Variants in DNAH12 observed in about 807,000 individuals in gnomAD.
DNAH12 encodes dynein axonemal heavy chain 12, also known as axonemal beta dynein heavy chain 12.
In DNAH12, 285 loss-of-function variants were observed where a neutral mutation model predicts 371.5. The ratio of observed to expected loss-of-function variants is 0.77; its 90% confidence interval spans 0.70 to 0.85. The LOEUF (loss-of-function observed/expected upper bound fraction) is 0.85, where lower values mean the gene tolerates loss of function less well. DNAH12 is among the 40% of genes least tolerant of loss of function. The pLI, the probability that DNAH12 is intolerant of heterozygous loss-of-function variation, is 0.00. For missense variants in DNAH12, 3,611 were observed against 3,689.4 expected, an observed-to-expected ratio of 0.98 and a Z score of 0.55; for synonymous variants, 1,200 against 1,213.0, an observed-to-expected ratio of 0.99 and a Z score of 0.22.
intron 3 of DNAH12, 81 bp downstream of exon 3, chr3:57,523,717 AAAAAC>A: frequency 7.6e-7 from 1 of 1,319,286 alleles, no homozygotes; most frequent in Non-Finnish European, 1.0e-6. Context: ...TATTCCTTTT[AAAAAC>A]ATCAGTTATA....
chr3:57,429,346 G>C (rs534878517), intron 33 of DNAH12, among the ~76,000 whole-genome samples: 23 of 151,902 alleles, frequency 1.5e-4, no homozygotes, highest in Non-Finnish European at 3.1e-4. Flanking sequence ...CTGGCTAATT[G>C]TGTATTTTTA....
intron 47 of DNAH12, among the ~76,000 whole-genome samples, 179 bp from the exon 48 acceptor site, chr3:57,385,608 A>G (rs2063484723): frequency 6.6e-6 from 1 of 152,260 alleles, no homozygotes; most frequent in East Asian, 1.9e-4. Flanking sequence ...AGGGCCAAGC[A>G]CGGTGGCTCA....
chr3:57,361,450 A>ATATATATATC (rs2062932005), intron 58 of DNAH12, among the ~76,000 whole-genome samples: 2 of 141,002 alleles, frequency 1.4e-5, no homozygotes, highest in South Asian at 4.3e-4. Flanking sequence ...CACACTATAT[A>ATATATATATC]TATATATATA....
rs892557210 is a variant in DNAH12, at chr3:57,295,517, A to C, written c.11692+8T>G. The C allele has an allele frequency of 2.0e-5, 31 of 1,545,562 alleles. No individual in the cohort carries two copies. The African/African-American group carries it at 3.7e-4, about 18-fold the overall frequency. On this transcript the variant is annotated splice_region_variant and intron_variant, in intron 73 of 73. Coordinates refer to ENST00000495027, the MANE Select transcript of DNAH12 (RefSeq NM_001366028.2). ...ACTTCAAATAAATTTTGTTGAGAGA[A>C]TATTTACTTGGTTTTATCCATATGA...
chr3:57,428,811 A>C lies in DNAH12; in HGVS notation c.5075T>G (p.Val1692Gly). 6.5e-7 allele frequency: 1 copy of C among 1,529,894 alleles called. No individual in the cohort carries two copies. 94.8% of individuals were successfully genotyped at this position (1,529,894 alleles called of 1,614,324 possible). A position where few individuals can be genotyped will look rare whatever the true frequency, so the allele number is the denominator to read the frequency against. The change falls in exon 34 of 74, where the codon GTA becomes GGA. Residue 1692 changes from valine to glycine, a missense_variant. Around this residue, in one of 3 missense-constraint regions of DNAH12, gnomAD observed 2,266 missense variants for 2,236.9 expected, o/e 1.01. Coordinates refer to ENST00000495027, the MANE Select transcript of DNAH12 (RefSeq NM_001366028.2). ...CAAATAAATCATACCACAACGACTT[A>C]CAGTGGCAGGCTAGAGAAAAAAGGC... ...MDLSQASPAT[V>G]SRCGMIYLEP... is the part of the protein sequence containing the mutation.
chr3:57,534,609 A>G (rs1368918923), intron 2 of DNAH12, among the ~76,000 whole-genome samples: 2 of 146,098 alleles, frequency 1.4e-5, no homozygotes. Flanking sequence ...CCCAGGTTCC[A>G]GTGATTCTCC....
At chr3:57,324,874 G>C (rs563119127) in intron 62 of DNAH12, among the ~76,000 whole-genome samples, 4 of 152,312 alleles carry the variant, frequency 2.6e-5, no homozygotes, top group African/African-American at 9.6e-5. Context: ...ACCCAATACT[G>C]CGCTTTTCCG....
At chr3:57,315,244 T>G (rs1410554618) in intron 65 of DNAH12, among the ~76,000 whole-genome samples, 1 of 152,002 alleles carries the variant, frequency 6.6e-6, no homozygotes, top group Non-Finnish European at 1.5e-5. Flanking sequence ...GCATGTATTT[T>G]AATTTAGAAT....
chr3:57,547,712 G>C (rs1046765143), upstream of DNAH12, among the ~76,000 whole-genome samples: 3 of 152,076 alleles, frequency 2.0e-5, no homozygotes, highest in African/African-American at 7.2e-5. Flanking sequence ...AACTCTGAAA[G>C]AAAATAATAA....
rs1195313083 is a variant in DNAH12 at position 57,421,675 on chromosome 3, A to G, written c.5405T>C (p.Ile1802Thr). ...GCCATCTGTATCACAACTTCCTCCA[A>G]TCGACCAAATCAAAGAGAATATAAA... ...ACFIFSLIWS[I>T]GGSCDTDGRR... Residue 1802 changes from isoleucine to threonine, a missense_variant, in exon 36 of 74, where the codon ATT becomes ACT. This residue lies in a region of DNAH12 where 2,266 missense variants were observed against 2,236.9 expected (regional missense o/e 1.01). Coordinates refer to ENST00000495027, the MANE Select transcript of DNAH12 (RefSeq NM_001366028.2). 1.3e-6 allele frequency: 2 copies of G among 1,551,540 alleles called. No individual in the cohort carries two copies. Among genetic ancestry groups the G allele is most frequent in the African/African-American group, 1.4e-5 (1 of 73,034 alleles).
intron 60 of DNAH12, among the ~76,000 whole-genome samples, chr3:57,343,402 A>C (rs2062453003): frequency 6.6e-6 from 1 of 152,250 alleles, no homozygotes; most frequent in South Asian, 2.1e-4. Context: ...TAAGGGATCC[A>C]AGGCTGTGCA....
rs1327251330 is a variant in DNAH12 at position 57,301,729 on chromosome 3, T to C, written c.11394+6A>G. The C allele has an allele frequency of 5.6e-5, 81 of 1,455,800 alleles. No individual in the cohort carries two copies. Among genetic ancestry groups the C allele is most frequent in the Middle Eastern group, 1.8e-4 (1 of 5,616 alleles). 90.2% of individuals were successfully genotyped at this position (1,455,800 alleles called of 1,614,324 possible). ...ACACACACACACACACACACACACA[T>C]TTTACCTGTAAAAAGTTCAACCGGG... On this transcript the variant is annotated splice_donor_region_variant and intron_variant, in intron 70 of 73. Coordinates refer to ENST00000495027, the MANE Select transcript of DNAH12 (RefSeq NM_001366028.2).
chr3:57,390,424 A>AAAAAAAAATATATATATATATATAT, intron 45 of DNAH12, among the ~76,000 whole-genome samples: 3 of 33,438 alleles, frequency 9.0e-5, no homozygotes, highest in Non-Finnish European at 2.1e-4. Context: ...AAAAAAAAAA[A>AAAAAAAAATATATATATATATATAT]ATATATATAT....
chr3:57,332,577 C>G (rs779589685), intron 62 of DNAH12, among the ~76,000 whole-genome samples: 6 of 152,148 alleles, frequency 3.9e-5, no homozygotes, highest in Non-Finnish European at 8.8e-5. Flanking sequence ...TAAGGCAGAG[C>G]AATGCAGTGT....
chr3:57,501,240 G>C, intron 11 of DNAH12, 81 bp downstream of exon 11: 2 of 972,762 alleles, frequency 2.1e-6, no homozygotes, highest in Non-Finnish European at 3.1e-6. Flanking sequence ...TTCTATTTAA[G>C]CATTTACTTT....
At chr3:57,341,006 C>T (rs1020090303) in intron 60 of DNAH12, among the ~76,000 whole-genome samples, 1 of 152,152 alleles carries the variant, frequency 6.6e-6, no homozygotes, top group African/African-American at 2.4e-5. Flanking sequence ...TAATGTGAGA[C>T]ATCACAACAG....
At position 57,366,852 on chromosome 3, in the gene DNAH12, GTGATATAAAATT is replaced by G. The variant is rs2063062195; in HGVS notation, c.9032_9043del (p.Lys3011_Ile3014del). The G allele has an allele frequency of 6.6e-6, 1 of 152,114 alleles. No homozygotes were observed. The allele number at this position is 152,114 out of a possible 1,614,324, so 9.4% of individuals were successfully genotyped here. ...ATAGTGCGGGTTTCTCAGTTTTGTG[GTGATATAAAATT>G]TGAAATCAAAGGAATACTCAATAAT... On this transcript the variant is annotated inframe_deletion, in exon 57 of 74. Transcript: ENST00000495027.
At chr3:57,483,603 A>C in intron 12 of DNAH12, 92 bp from the exon 13 acceptor site, 1 of 1,313,920 alleles carries the variant, frequency 7.6e-7, no homozygotes. Flanking sequence ...ATAAAATAAG[A>C]ACTATGATAT....
intron 19 of DNAH12, among the ~76,000 whole-genome samples, chr3:57,460,766 C>T (rs934863685): frequency 6.6e-6 from 1 of 152,128 alleles, no homozygotes. Context: ...GTTTGAACCC[C>T]AGCTCTGTCA....
Sources: gnomAD v4.1 joint callset for allele counts (sites outside exome capture counted in the v4.1 genomes callset) on GRCh38, gnomAD v4.1.1 for gene constraint, gnomAD v4.1.1 regional missense constraint, MANE v1.5 for transcripts, NCBI Gene and HGNC (gene_info 2026-07-23, HGNC 2026-07-21) for gene names.